The following PDZRN3 variants were observed in gnomAD, a reference collection of about 807,000 sequenced individuals.
The protein encoded by PDZRN3 is PDZ domain containing ring finger 3.
PDZRN3 carries 38 observed loss-of-function variants against 85.7 expected under a neutral mutation model. The observed-to-expected ratio is 0.44, with a 90% confidence interval of 0.34 to 0.58. The LOEUF is 0.58. PDZRN3 is among the 20% of genes least tolerant of loss of function. PDZRN3 has a pLI of 0.01. For missense variants in PDZRN3, 1,629 were observed against 1,506.4 expected (o/e 1.08, Z -1.35); for synonymous variants, 759 against 638.0 (o/e 1.19, Z -2.86).
intron 3 of PDZRN3, among the ~76,000 whole-genome samples, chr3:73,482,866 C>T (rs1418825279): frequency 6.6e-6 from 1 of 152,224 alleles, no homozygotes. Flanking sequence ...AGAAGCTATG[C>T]TACTTGCTTT....
At chr3:73,623,974 TG>T (rs1370503697) in intron 1 of PDZRN3, 128 bp downstream of exon 1, 1 of 917,832 alleles carries the variant, frequency 1.1e-6, no homozygotes, top group Admixed American at 4.1e-5. Context: ...TGGTAAGCAG[TG>T]GAAGAAGAGG....
intron 3 of PDZRN3, among the ~76,000 whole-genome samples, chr3:73,462,253 CT>C (rs1327192698): frequency 6.6e-6 from 1 of 152,088 alleles, no homozygotes; most frequent in Non-Finnish European, 1.5e-5. Flanking sequence ...TAAAGTCATA[CT>C]TTTGTCATTA....
chr3:73,485,955 G>A (rs529377964), intron 3 of PDZRN3, among the ~76,000 whole-genome samples: 2 of 152,328 alleles, frequency 1.3e-5, no homozygotes, highest in East Asian at 3.9e-4. Context: ...GATTGCACGT[G>A]ACTTGCTGTT....
At chr3:73,475,017 T>C (rs1236389004) in intron 3 of PDZRN3, among the ~76,000 whole-genome samples, 2 of 152,094 alleles carry the variant, frequency 1.3e-5, no homozygotes, top group Admixed American at 1.3e-4. Flanking sequence ...GATAAGTTAA[T>C]ATTTCACCAT....
At chr3:73,538,071 T>C (rs1463493287) in intron 3 of PDZRN3, among the ~76,000 whole-genome samples, 14 of 152,320 alleles carry the variant, frequency 9.2e-5, no homozygotes, top group East Asian at 1.9e-4. Flanking sequence ...AGCATGATCA[T>C]AGACTCCATG....
chr3:73,518,203 G>GC (rs1175113863), intron 3 of PDZRN3, among the ~76,000 whole-genome samples: 1 of 152,176 alleles, frequency 6.6e-6, no homozygotes, highest in African/African-American at 2.4e-5. Flanking sequence ...TACATGCTAT[G>GC]ACATGGAAGA....
Position 73,383,065 on chromosome 3 carries a change from A to C in PDZRN3, c.*300T>G, listed in dbSNP as rs187824204. 2 of 273,514 alleles carry C rather than the reference A, an allele frequency of 7.3e-6. No individual in the cohort carries two copies. The highest frequency in any genetic ancestry group is 4.4e-5 in the African/African-American group (2 of 45,698). The allele number at this position is 273,514 out of a possible 1,614,324, so 16.9% of individuals were successfully genotyped here. ...CAAGTTATTCTGTGAAAGTATGCTT[A>C]ATAAAAGATCTTTCTGAAATTTAAA... On this transcript the variant is annotated 3_prime_UTR_variant, in exon 10 of 10. Coordinates refer to ENST00000263666, the MANE Select transcript of PDZRN3 (RefSeq NM_015009.3).
intron 3 of PDZRN3, among the ~76,000 whole-genome samples, chr3:73,430,616 G>A (rs1460904716): frequency 3.9e-5 from 6 of 152,128 alleles, no homozygotes; most frequent in Non-Finnish European, 8.8e-5. Context: ...CAAGGCTGGT[G>A]CTTAGCCTGT....
At chr3:73,542,016 T>C (rs1156808318) in intron 3 of PDZRN3, among the ~76,000 whole-genome samples, 5 of 152,114 alleles carry the variant, frequency 3.3e-5, no homozygotes, top group Non-Finnish European at 7.4e-5. Context: ...ATAAAAGAGA[T>C]GCCATTAGAA....
At chr3:73,445,612 T>G (rs1007265494) in intron 3 of PDZRN3, among the ~76,000 whole-genome samples, 2 of 152,208 alleles carry the variant, frequency 1.3e-5, no homozygotes, top group Non-Finnish European at 2.9e-5. Flanking sequence ...TAAACACCAT[T>G]ATGACCAATG....
At chr3:73,430,067 T>C (rs896122513) in intron 3 of PDZRN3, among the ~76,000 whole-genome samples, 2 of 152,266 alleles carry the variant, frequency 1.3e-5, no homozygotes, top group South Asian at 2.1e-4. Flanking sequence ...AAATGATTTA[T>C]ACAAGAAAAG....
intron 7 of PDZRN3, among the ~76,000 whole-genome samples, chr3:73,388,423 ATATG>A (rs1701445850): frequency 6.6e-6 from 1 of 152,210 alleles, no homozygotes; most frequent in African/African-American, 2.4e-5. Context: ...AGGCAGGAGT[ATATG>A]TAGACATTAT....
chr3:73,504,770 C>A (rs974885827), intron 3 of PDZRN3, among the ~76,000 whole-genome samples: 2 of 152,130 alleles, frequency 1.3e-5, no homozygotes, highest in African/African-American at 2.4e-5. Context: ...GGTCTTATAC[C>A]CACATAAGTC....
chr3:73,580,614 A>G (rs1177958153), intron 3 of PDZRN3, among the ~76,000 whole-genome samples: 1 of 152,236 alleles, frequency 6.6e-6, no homozygotes, highest in Admixed American at 6.5e-5. Flanking sequence ...AAAGAGGAGA[A>G]GGCTGCACTG....
At chr3:73,546,564 T>G (rs1441909668) in intron 3 of PDZRN3, among the ~76,000 whole-genome samples, 4 of 152,234 alleles carry the variant, frequency 2.6e-5, no homozygotes, top group African/African-American at 7.2e-5. Context: ...TTGTAATGGC[T>G]TCCCCTGCCA....
chr3:73,468,710 C>G (rs1703273045), intron 3 of PDZRN3, among the ~76,000 whole-genome samples: 1 of 152,084 alleles, frequency 6.6e-6, no homozygotes, highest in South Asian at 2.1e-4. Flanking sequence ...TAAAAGCACC[C>G]CCACCCAAAC....
chr3:73,542,808 A>C (rs1227373304), intron 3 of PDZRN3, among the ~76,000 whole-genome samples: 2 of 152,068 alleles, frequency 1.3e-5, no homozygotes, highest in Non-Finnish European at 2.9e-5. Context: ...AAAAATAAAA[A>C]AGACTCTCTT....
intron 5 of PDZRN3, among the ~76,000 whole-genome samples, chr3:73,399,769 C>G (rs1057034100): frequency 6.6e-6 from 1 of 152,144 alleles, no homozygotes; most frequent in Non-Finnish European, 1.5e-5. Flanking sequence ...CTGTTTAGAC[C>G]AGGTGCATTT....
intron 3 of PDZRN3, among the ~76,000 whole-genome samples, chr3:73,572,181 C>G (rs1270090520): frequency 6.6e-6 from 1 of 152,052 alleles, no homozygotes; most frequent in African/African-American, 2.4e-5. Context: ...AAAAATAAAC[C>G]ATTAAATCCA....
Sources: allele counts gnomAD v4.1 joint callset (sites outside exome capture counted in the v4.1 genomes callset), GRCh38; gene constraint gnomAD v4.1.1; transcripts MANE v1.5; gene names NCBI Gene and HGNC (gene_info 2026-07-23, HGNC 2026-07-21).